The following CNTNAP5 variants were observed in gnomAD, a reference collection of about 807,000 sequenced individuals.
The protein encoded by CNTNAP5 is contactin-associated protein-like 5.
A neutral mutation model predicts 150.2 loss-of-function variants in CNTNAP5; 72 were observed. The observed-to-expected ratio is 0.48, with a 90% CI of 0.40 to 0.58. The LOEUF (loss-of-function observed/expected upper bound fraction) is 0.58. Ranked by LOEUF, CNTNAP5 falls within the 20% of genes least tolerant of loss-of-function variation. The pLI, the probability that CNTNAP5 is intolerant of heterozygous loss-of-function variation, is 0.00. For synonymous variants in CNTNAP5, 672 were observed against 619.8 expected (o/e 1.08, Z -1.25); for missense variants, 1,636 against 1,626.2 (o/e 1.01, Z -0.10).
intron 22 of CNTNAP5, among the ~76,000 whole-genome samples, chr2:124,908,389 GA>G (rs969565918): frequency 6.6e-6 from 1 of 150,968 alleles, no homozygotes; most frequent in Non-Finnish European, 1.5e-5. Flanking sequence ...GAAAAGAAAA[GA>G]AAAAAACAAA....
At chr2:124,391,184 T>C (rs1691101056) in intron 3 of CNTNAP5, among the ~76,000 whole-genome samples, 1 of 152,196 alleles carries the variant, frequency 6.6e-6, no homozygotes, top group African/African-American at 2.4e-5. Context: ...TAAAATAATA[T>C]ATTTCTCGTG....
intron 1 of CNTNAP5, among the ~76,000 whole-genome samples, chr2:124,055,843 G>T (rs920070858): frequency 1.3e-5 from 2 of 152,068 alleles, no homozygotes; most frequent in Non-Finnish European, 2.9e-5. Flanking sequence ...CATTTGCCTG[G>T]CAGGACCTTC....
chr2:124,814,786 T>C (rs1180659747), intron 19 of CNTNAP5, among the ~76,000 whole-genome samples: 2 of 138,584 alleles, frequency 1.4e-5, no homozygotes, highest in Admixed American at 7.4e-5. Context: ...TGGATTGCAC[T>C]CTTCTTCTTA....
chr2:124,068,310 C>A (rs1455973519), intron 1 of CNTNAP5, among the ~76,000 whole-genome samples: 2 of 152,124 alleles, frequency 1.3e-5, no homozygotes, highest in South Asian at 4.1e-4. Context: ...AACTGGTGGA[C>A]TTTGCATTGA....
chr2:124,363,971 G>T (rs114121455), intron 3 of CNTNAP5, among the ~76,000 whole-genome samples: 6,045 of 152,180 alleles, frequency 0.04, 175 homozygotes, highest in Non-Finnish European at 0.042. Flanking sequence ...CTTCTACCAC[G>T]TATCTCCTTG....
At chr2:124,225,623 T>C (rs184607718) in intron 2 of CNTNAP5, among the ~76,000 whole-genome samples, 130 of 152,310 alleles carry the variant, frequency 8.5e-4, no homozygotes, top group African/African-American at 2.9e-3. Context: ...ATCCTTTTCT[T>C]TGTTTTGTAG....
chr2:124,197,107 A>G (rs563418482), intron 1 of CNTNAP5, among the ~76,000 whole-genome samples: 1 of 152,342 alleles, frequency 6.6e-6, no homozygotes, highest in African/African-American at 2.4e-5. Context: ...GCAGGAATAT[A>G]TAAATATGTA....
chr2:124,117,046 C>G (rs1683445000), intron 1 of CNTNAP5, among the ~76,000 whole-genome samples: 1 of 152,222 alleles, frequency 6.6e-6, no homozygotes, highest in Admixed American at 6.5e-5. Context: ...GAAACACTCT[C>G]CTATCCTCCT....
chr2:124,811,569 C>A (rs770016405), intron 19 of CNTNAP5, among the ~76,000 whole-genome samples: 33 of 151,972 alleles, frequency 2.2e-4, no homozygotes, highest in Non-Finnish European at 4.7e-4. Flanking sequence ...CACACATGCC[C>A]CTTTTTGATG....
chr2:124,274,870 C>T (rs1256842548), intron 3 of CNTNAP5, among the ~76,000 whole-genome samples: 2 of 152,132 alleles, frequency 1.3e-5, no homozygotes, highest in African/African-American at 4.8e-5. Context: ...CTTCTTTAAG[C>T]AGCTGTGCCC....
intron 5 of CNTNAP5, among the ~76,000 whole-genome samples, chr2:124,442,599 A>G (rs1558904098): frequency 6.6e-6 from 1 of 152,218 alleles, no homozygotes; most frequent in Non-Finnish European, 1.5e-5. Context: ...AGAATTCTTC[A>G]ATGATCTCAG....
intron 12 of CNTNAP5, among the ~76,000 whole-genome samples, chr2:124,615,301 G>A (rs1677472430): frequency 6.6e-6 from 1 of 152,198 alleles, no homozygotes; most frequent in Non-Finnish European, 1.5e-5. Context: ...CAAAATTGAA[G>A]TCAATCATTC....
intron 5 of CNTNAP5, among the ~76,000 whole-genome samples, chr2:124,436,726 C>T (rs1692540267): frequency 1.3e-5 from 2 of 152,134 alleles, no homozygotes; most frequent in South Asian, 4.1e-4. Flanking sequence ...TCCCAGTTTC[C>T]ATCTTCTCTA....
chr2:124,644,820 A>G (rs1013640530), intron 12 of CNTNAP5, among the ~76,000 whole-genome samples: 2 of 152,190 alleles, frequency 1.3e-5, no homozygotes, highest in Non-Finnish European at 2.9e-5. Flanking sequence ...CTAGGTTTCA[A>G]GCAATCATTT....
chr2:124,643,649 A>G (rs566258388), intron 12 of CNTNAP5, among the ~76,000 whole-genome samples: 58 of 152,210 alleles, frequency 3.8e-4, no homozygotes, highest in Non-Finnish European at 6.9e-4. Context: ...CTAATGTTGT[A>G]GAAAACTTCT....
intron 10 of CNTNAP5, among the ~76,000 whole-genome samples, chr2:124,536,714 G>A (rs892974290): frequency 1.3e-5 from 2 of 152,108 alleles, no homozygotes; most frequent in Admixed American, 1.3e-4. Flanking sequence ...GCCAGGGAGG[G>A]GGCTACAGAG....
At chr2:124,219,529 G>C (rs1167281440) in intron 1 of CNTNAP5, among the ~76,000 whole-genome samples, 3 of 152,036 alleles carry the variant, frequency 2.0e-5, no homozygotes, top group Admixed American at 6.6e-5. Flanking sequence ...TACACATCTG[G>C]ATGGATGAGG....
intron 11 of CNTNAP5, among the ~76,000 whole-genome samples, chr2:124,588,379 T>A (rs571317139): frequency 6.6e-6 from 1 of 152,184 alleles, no homozygotes; most frequent in East Asian, 1.9e-4. Context: ...TAGGTCAGGA[T>A]GGGGCCCAAT....
intron 13 of CNTNAP5, among the ~76,000 whole-genome samples, chr2:124,715,881 C>A (rs547655224): frequency 3.7e-4 from 57 of 152,230 alleles, no homozygotes; most frequent in Non-Finnish European, 7.5e-4. Context: ...AATAAAATGA[C>A]TACCAAGTCC....
Sources: allele counts gnomAD v4.1 joint callset (sites outside exome capture counted in the v4.1 genomes callset), GRCh38; gene constraint gnomAD v4.1.1; transcripts MANE v1.5; gene names NCBI Gene and HGNC (gene_info 2026-07-23, HGNC 2026-07-21).